The following DCHS2 variants were observed in gnomAD, a reference collection of about 807,000 sequenced individuals.
The protein encoded by DCHS2 is dachsous cadherin-related 2.
DCHS2 carries 142 observed loss-of-function variants against 182.4 expected under a neutral mutation model. The observed-to-expected ratio is 0.78, with a 90% confidence interval of 0.68 to 0.89. The LOEUF (loss-of-function observed/expected upper bound fraction) is 0.89, where lower values mean the gene tolerates loss of function less well. Among genes scored for constraint, DCHS2 ranks in the 40% least tolerant of loss-of-function variants. The probability of loss-of-function intolerance (pLI) is 0.00; values close to 1 mark genes in which losing one functional copy is unlikely to be tolerated. For missense variants in DCHS2, 4,319 were observed against 4,198.6 expected, an observed-to-expected ratio of 1.03 and a Z score of -0.79; for synonymous variants, 1,740 against 1,663.3, an observed-to-expected ratio of 1.05 and a Z score of -1.12.
rs772498055 is a variant in DCHS2, at chr4:154,315,723, C to G, written c.5260+25G>C. The stretch of plus-strand genomic sequence containing the variant: ...TTCAATTTCTTTTAAGCATTAAATA[C>G]CCAGTTTCTGTATTTCTAAATTACC... On this transcript the variant is annotated intron_variant, in intron 10 of 19. Transcript: ENST00000357232. 9 of 1,604,986 alleles carry G rather than the reference C, an allele frequency of 5.6e-6. No individual in the cohort carries two copies. The African/African-American group carries it at 1.2e-4, about 22-fold the overall frequency.
At position 154,242,134 on chromosome 4, in the gene DCHS2, C is replaced by A. The variant is rs185701283; in HGVS notation, c.7072+508G>T. Among the ~76,000 whole-genome samples the A allele has an allele frequency of 1.5e-4, 23 of 152,276 alleles. No individual in the cohort carries two copies. The East Asian group carries it at 4.4e-3, about 29-fold the overall frequency. On this transcript the variant is annotated intron_variant, in intron 17 of 19. Transcript: ENST00000357232. ...GACCCAAATAATGAAGGTTAACCAG[C>A]ATCTCACTTAAAAATTTCTAGTTTC...
At chr4:154,326,465 C>G (rs912105801) in intron 7 of DCHS2, among the ~76,000 whole-genome samples, 1 of 152,000 alleles carries the variant, frequency 6.6e-6, no homozygotes, top group Non-Finnish European at 1.5e-5. Context: ...TTATCTATTT[C>G]TTTGTGAGCT....
At chr4:154,350,994 G>A (rs1475226523) in intron 3 of DCHS2, among the ~76,000 whole-genome samples, 3 of 152,184 alleles carry the variant, frequency 2.0e-5, no homozygotes, top group Non-Finnish European at 2.9e-5. Context: ...ACACCCATTG[G>A]CCATGCCTTC....
In DCHS2 at chr4:154,490,496, A is replaced by G; in HGVS notation, c.860T>C (p.Leu287Pro). The change falls in exon 1 of 20, where the codon CTG (leucine) becomes CCG (proline). Residue 287 changes from leucine (L) to proline (P), a missense_variant. Leu to Pro is a moderately conservative substitution (Grantham distance 98, BLOSUM62 -3). Coordinates refer to ENST00000357232, the MANE Select transcript of DCHS2 (RefSeq NM_001358235.2). ...TGLLSVELRV[L>P]DENDNPPVFE... ...GACCGGCGGGTTGTCGTTCTCATCC[A>G]GCACGCGCAGCTCCACGCTCAGGAG... 5 of 1,537,044 alleles carry G rather than the reference A, an allele frequency of 3.3e-6. No individual in the cohort carries two copies. Among genetic ancestry groups the G allele is most frequent in the Non-Finnish European group, 4.4e-6 (5 of 1,146,446 alleles).
intron 1 of DCHS2, among the ~76,000 whole-genome samples, chr4:154,442,424 T>C (rs2110958444): frequency 6.6e-6 from 1 of 151,828 alleles, no homozygotes; most frequent in East Asian, 1.9e-4. Flanking sequence ...ACCCCTTGAC[T>C]GTACCTTGAA....
At position 154,332,540 on chromosome 4, in the gene DCHS2, T is replaced by C. The variant is rs1318363304; in HGVS notation, c.3668A>G (p.Asn1223Ser). Residue 1223 changes from asparagine (N) to serine (S), a missense_variant, in exon 5 of 20, where the codon AAT (asparagine) becomes AGT (serine). By Grantham distance (46) the Asn-to-Ser change is conservative (BLOSUM62 1). Transcript: ENST00000357232. Reference sequence around the variant, plus strand: ...CAAAAGGAAATATAATAGCTGTCCATTCTTTCCAGAGTCCATGTCAATAGC... The same window carrying C: ...CAAAAGGAAATATAATAGCTGTCCACTCTTTCCAGAGTCCATGTCAATAGC... Reference protein sequence around the residue: ...ITAIDMDSGKNGQLLYFLLSD... With the variant: ...ITAIDMDSGKSGQLLYFLLSD... 3.1e-6 allele frequency: 5 copies of C among 1,614,084 alleles called. No homozygotes were observed. Among genetic ancestry groups the C allele is most frequent in the Non-Finnish European group, 4.2e-6 (5 of 1,180,042 alleles).
intron 1 of DCHS2, among the ~76,000 whole-genome samples, chr4:154,415,140 A>G (rs141770566): frequency 6.6e-6 from 1 of 152,314 alleles, no homozygotes; most frequent in African/African-American, 2.4e-5. Context: ...GACCTGATAT[A>G]ACTGATGCTA....
At position 154,491,066 on chromosome 4, in the gene DCHS2, TC is replaced by T. The variant is rs1728814890; in HGVS notation, c.289del (p.Glu97ArgfsTer64). ...RAGLPAAQQQ[E>X]GSGFFLSEDS... The stretch of plus-strand genomic sequence containing the variant: ...CTCCGACAGAAAGAAGCCGCTCCCC[TC>T]CTGCTGCTGCGCGGCCGGCAGCCCG... On this transcript the variant is annotated frameshift_variant, in exon 1 of 20. Coordinates refer to ENST00000357232, the MANE Select transcript of DCHS2 (RefSeq NM_001358235.2). LOFTEE classifies it high-confidence loss of function. 6.4e-7 allele frequency: 1 copy of T among 1,551,104 alleles called. No homozygotes were observed. Among genetic ancestry groups the T allele is most frequent in the Non-Finnish European group, 8.7e-7 (1 of 1,146,932 alleles).
intron 1 of DCHS2, among the ~76,000 whole-genome samples, chr4:154,467,549 A>C (rs1735288069): frequency 6.6e-6 from 1 of 152,198 alleles, no homozygotes; most frequent in Admixed American, 6.5e-5. Context: ...AATTCTTGTA[A>C]GGAATTTGCA....
At chr4:154,408,907 G>C (rs1281819066) in intron 1 of DCHS2, among the ~76,000 whole-genome samples, 1 of 152,166 alleles carries the variant, frequency 6.6e-6, no homozygotes, top group Non-Finnish European at 1.5e-5. Flanking sequence ...TTCTCACAGA[G>C]GCTAAGCCCA....
Position 154,491,109 on chromosome 4 carries a change from C to T in DCHS2, c.247G>A (p.Val83Ile), listed in dbSNP as rs1356865147. The T allele has an allele frequency of 1.3e-6, 2 of 1,551,350 alleles. No individual in the cohort carries two copies. The highest frequency in any genetic ancestry group is 2.7e-5 in the African/African-American group (2 of 73,054). The change falls in exon 1 of 20, where the codon GTA becomes ATA. Residue 83 changes from valine to isoleucine, a missense_variant. Transcript: ENST00000357232. Reference protein sequence around the residue: ...VDEGLPPDTLVGDIRAGLPAA... With the variant: ...VDEGLPPDTLIGDIRAGLPAA... ...GGCAGCCCGGCGCGGATGTCACCTACCAGCGTGTCCGGGGGAAGCCCCTCA... is the reference window on the plus strand; with the variant it reads ...GGCAGCCCGGCGCGGATGTCACCTATCAGCGTGTCCGGGGGAAGCCCCTCA...
Position 154,233,590 on chromosome 4 carries a change from T to A in DCHS2, c.*946A>T, listed in dbSNP as rs1015004921. The A allele has an allele frequency of 1.3e-5, 2 of 152,190 alleles. No individual in the cohort carries two copies. Among genetic ancestry groups the A allele is most frequent in the Non-Finnish European group, 2.9e-5 (2 of 68,030 alleles). 9.4% of individuals were successfully genotyped at this position (152,190 alleles called of 1,614,324 possible). A position where few individuals can be genotyped will look rare whatever the true frequency, so the allele number is the denominator to read the frequency against. On this transcript the variant is annotated 3_prime_UTR_variant, in exon 20 of 20. Coordinates refer to ENST00000357232, the MANE Select transcript of DCHS2 (RefSeq NM_001358235.2). ...TCTACACAAATTTTAAAAACTGACA[T>A]TGAGTGGATAAATTATTTCACACAA... is the stretch of plus-strand genomic sequence containing the variant.
At chr4:154,313,831 CATTA>C (rs1447518461) in intron 10 of DCHS2, among the ~76,000 whole-genome samples, 1 of 152,078 alleles carries the variant, frequency 6.6e-6, no homozygotes, top group East Asian at 1.9e-4. Flanking sequence ...TTCAATCATC[CATTA>C]ATTCAGAAAA....
At position 154,329,291 on chromosome 4, in the gene DCHS2, A is replaced by C. The variant is rs955744373; in HGVS notation, c.3918+232T>G. ...AGTTTGTGTACAAGGGGCTGAACTA[A>C]ACTTATTGTTATAAAGCAACTGGAG... On this transcript the variant is annotated intron_variant, in intron 6 of 19. Transcript: ENST00000357232. Among the ~76,000 whole-genome samples, 6 of 152,316 alleles carry C rather than the reference A, an allele frequency of 3.9e-5. No homozygotes were observed. The East Asian group carries it at 1.2e-3, about 29-fold the overall frequency.
intron 1 of DCHS2, among the ~76,000 whole-genome samples, chr4:154,444,149 C>T (rs1330427475): frequency 6.6e-6 from 1 of 152,046 alleles, no homozygotes; most frequent in African/African-American, 2.4e-5. Context: ...TGGTGGGGCC[C>T]AAACTAATGG....
At chr4:154,382,382 A>G (rs1212948768) in intron 1 of DCHS2, among the ~76,000 whole-genome samples, 1 of 152,164 alleles carries the variant, frequency 6.6e-6, no homozygotes, top group Non-Finnish European at 1.5e-5. Context: ...ACCTCAAACT[A>G]TAAGAATCCT....
chr4:154,320,840 T>C lies in DCHS2; in HGVS notation c.4559A>G (p.Glu1520Gly). 1.2e-6 allele frequency: 2 copies of C among 1,614,082 alleles called. No homozygotes were observed. The highest frequency in any genetic ancestry group is 4.5e-5 in the East Asian group (2 of 44,888). Residue 1520 changes from glutamate to glycine, a missense_variant, in exon 9 of 20, where the codon GAG becomes GGG. Glu to Gly is a moderately conservative substitution (Grantham distance 98). Transcript: ENST00000357232. ...FQDELIVISV[E>G]ENVPIGTLVY... ...CAGGGTTCCTATGGGAACATTCTCC[T>C]CTACACTGATCACAATGAGCTCATC...
intron 10 of DCHS2, among the ~76,000 whole-genome samples, chr4:154,314,734 C>T (rs1011657416): frequency 1.3e-5 from 2 of 152,052 alleles, no homozygotes; most frequent in African/African-American, 4.8e-5. Flanking sequence ...CAAAATATTA[C>T]ATTGATATAT....
chr4:154,352,629 A>G (rs2110731540), intron 3 of DCHS2: 1 of 152,346 alleles, frequency 6.6e-6, no homozygotes, highest in African/African-American at 2.4e-5. Flanking sequence ...TTTGTGTTCT[A>G]GCACTAGGGA....
Sources: gnomAD v4.1 joint callset for allele counts (sites outside exome capture counted in the v4.1 genomes callset) on GRCh38, gnomAD v4.1.1 for gene constraint, MANE v1.5 for transcripts, NCBI Gene and HGNC (gene_info 2026-07-23, HGNC 2026-07-21) for gene names.